CACNA1B: variants seen among roughly 807,000 people sequenced by gnomAD.
CACNA1B encodes voltage-dependent N-type calcium channel subunit alpha-1B.
A neutral mutation model predicts 247.2 loss-of-function variants in CACNA1B; 70 were observed. The observed-to-expected ratio is 0.28, with a 90% CI of 0.23 to 0.35. CACNA1B has a LOEUF of 0.35. Among genes scored for constraint, CACNA1B ranks in the 10% least tolerant of loss-of-function variants. CACNA1B has a pLI of 1.00. For synonymous variants in CACNA1B, 1,231 were observed against 1,294.4 expected (o/e 0.95, Z 1.05); for missense variants, 2,367 against 3,197.4 (o/e 0.74, Z 6.26).
intron 15 of CACNA1B, among the ~76,000 whole-genome samples, chr9:138,001,244 TAAAAA>T (rs750278715): frequency 1.3e-5 from 2 of 152,076 alleles, no homozygotes; most frequent in Admixed American, 1.3e-4. Context: ...TAATTCATGA[TAAAAA>T]AAAGTCATAC....
At chr9:138,069,984 C>G (rs1960064533) in intron 32 of CACNA1B, among the ~76,000 whole-genome samples, 1 of 152,248 alleles carries the variant, frequency 6.6e-6, no homozygotes, top group African/African-American at 2.4e-5. Flanking sequence ...ATTCTGGGAA[C>G]TGGCCGTGGG....
rs201220041 is a variant in CACNA1B at position 138,115,660 on chromosome 9, C to G, written c.5758C>G (p.Leu1920Val). The G allele has an allele frequency of 2.5e-6, 4 of 1,613,424 alleles. No individual in the cohort carries two copies. In the African/African-American group the frequency reaches 5.3e-5, roughly 22 times the overall value. Residue 1920 changes from leucine to valine, a missense_variant, in exon 42 of 47, where the codon CTC becomes GTC. Transcript: ENST00000371372. ...CCTTCGACAGAAGAGTTCCACCTCC[C>G]TCAGCAATGGCGGGGCCATGTGAGT... ...VFLRQKSSTS[L>V]SNGGAIQNQE...
intron 6 of CACNA1B, among the ~76,000 whole-genome samples, chr9:137,949,039 GGT>G (rs1325730371): frequency 2.1e-5 from 3 of 143,024 alleles, no homozygotes; most frequent in Non-Finnish European, 3.0e-5. Context: ...ATACGTGTGT[GGT>G]GTGTGTGTGG....
chr9:137,965,594 T>A (rs1051848361), intron 10 of CACNA1B, among the ~76,000 whole-genome samples: 1 of 151,726 alleles, frequency 6.6e-6, no homozygotes, highest in Non-Finnish European at 1.5e-5. Flanking sequence ...TATTTATTTA[T>A]TTATTTATTT....
chr9:137,921,827 C>A (rs1483389876), intron 6 of CACNA1B, among the ~76,000 whole-genome samples: 1 of 146,142 alleles, frequency 6.8e-6, no homozygotes, highest in Non-Finnish European at 1.5e-5. Flanking sequence ...GCACCACGAC[C>A]GCACAGCATC....
At chr9:138,068,691 G>T (rs1435836677) in intron 31 of CACNA1B, 1 of 511,110 alleles carries the variant, frequency 2.0e-6, no homozygotes, top group Admixed American at 2.0e-5. Flanking sequence ...GGGGAGGGGT[G>T]GTTTCTGCGT....
intron 10 of CACNA1B, among the ~76,000 whole-genome samples, chr9:137,964,212 A>C (rs984475984): frequency 6.6e-6 from 1 of 152,108 alleles, no homozygotes; most frequent in Non-Finnish European, 1.5e-5. Context: ...GGCTCTCTGC[A>C]TTTCCTGAAT....
chr9:137,928,916 C>G (rs1332640048), intron 6 of CACNA1B, among the ~76,000 whole-genome samples: 1 of 152,074 alleles, frequency 6.6e-6, no homozygotes, highest in Non-Finnish European at 1.5e-5. Context: ...CACGATGAAG[C>G]AAGTATTGGT....
At position 137,952,516 on chromosome 9, in the gene CACNA1B, C is replaced by A; in HGVS notation, c.1070+139C>A. 1.5e-6 allele frequency: 1 copy of A among 686,258 alleles called. No individual in the cohort carries two copies. The highest frequency in any genetic ancestry group is 2.6e-6 in the Non-Finnish European group (1 of 386,982). The allele number at this position is 686,258 out of a possible 1,614,324, so 42.5% of individuals were successfully genotyped here. ...GTGGTTGCCCCTGGTGTTCTGGGTTCTGGTAGCCCTTCCTTTGTGCCACCA... is the reference window on the plus strand; with the variant it reads ...GTGGTTGCCCCTGGTGTTCTGGGTTATGGTAGCCCTTCCTTTGTGCCACCA... On this transcript the variant is annotated intron_variant, in intron 7 of 46. Coordinates refer to ENST00000371372, the MANE Select transcript of CACNA1B (RefSeq NM_000718.4). The surrounding 1 kb of genome is among the most constrained non-coding windows in gnomAD (Gnocchi z 4.8).
At chr9:138,097,745 G>C (rs1174609953) in intron 37 of CACNA1B, among the ~76,000 whole-genome samples, 1 of 152,312 alleles carries the variant, frequency 6.6e-6, no homozygotes, top group African/African-American at 2.4e-5. Context: ...CTTACTGGGG[G>C]AGGGCCGGCA....
intron 36 of CACNA1B, among the ~76,000 whole-genome samples, chr9:138,081,652 C>T (rs915004168): frequency 2.0e-5 from 3 of 150,972 alleles, no homozygotes; most frequent in Non-Finnish European, 2.9e-5. Flanking sequence ...CTTATGAATA[C>T]ATTAAGTATT....
rs1227998697 is a variant in CACNA1B, at chr9:138,102,008, C to T, written c.5223-703C>T. On this transcript the variant is annotated intron_variant, in intron 37 of 46. Coordinates refer to ENST00000371372, the MANE Select transcript of CACNA1B (RefSeq NM_000718.4). This position sits in a 1 kb window ranked among gnomAD's most constrained non-coding sequence, Gnocchi z 5.4. Reference sequence around the variant, plus strand: ...CAAGGTGGCCCCAGGCCATGTCCTGCCAGCTCCTCCCCCCTCCCGCAGTCT... The same window carrying T: ...CAAGGTGGCCCCAGGCCATGTCCTGTCAGCTCCTCCCCCCTCCCGCAGTCT... Among the ~76,000 whole-genome samples the T allele has an allele frequency of 6.6e-6, 1 of 152,212 alleles. No homozygotes were observed. The highest frequency in any genetic ancestry group is 1.5e-5 in the Non-Finnish European group (1 of 68,036).
rs1959265703 is a variant in CACNA1B, at chr9:138,051,266, A to C, written c.3711-826A>C. ...TCCTGCGTCCCTGACAGGTAGAGGC[A>C]GCTGCCTGGGTCTGTCCTGGCTTTT... On this transcript the variant is annotated intron_variant, in intron 24 of 46. Coordinates refer to ENST00000371372, the MANE Select transcript of CACNA1B (RefSeq NM_000718.4). The surrounding 1 kb of genome is among the most constrained non-coding windows in gnomAD (Gnocchi z 4.3). Among the ~76,000 whole-genome samples, 1 of 152,032 alleles carries C rather than the reference A, an allele frequency of 6.6e-6. No homozygotes were observed. The highest frequency in any genetic ancestry group is 1.5e-5 in the Non-Finnish European group (1 of 68,008).
rs41302681 is a variant in CACNA1B at position 138,049,190 on chromosome 9, G to A, written c.3604-19G>A. On this transcript the variant is annotated intron_variant, in intron 23 of 46. Transcript: ENST00000371372. ...TTTTCTGGACTATGACGTATCTAACGTGTGTTTCTCCCTCCTAGATGATCG... is the reference window on the plus strand; with the variant it reads ...TTTTCTGGACTATGACGTATCTAACATGTGTTTCTCCCTCCTAGATGATCG... The A allele has an allele frequency of 8.7e-6, 13 of 1,488,046 alleles. No individual in the cohort carries two copies. Among genetic ancestry groups the A allele is most frequent in the African/African-American group, 4.1e-5 (3 of 72,368 alleles). 92.2% of individuals were successfully genotyped at this position (1,488,046 alleles called of 1,614,324 possible). A position where few individuals can be genotyped will look rare whatever the true frequency, so the allele number is the denominator to read the frequency against.
intron 3 of CACNA1B, among the ~76,000 whole-genome samples, chr9:137,898,075 G>T (rs1957192408): frequency 6.6e-6 from 1 of 152,018 alleles, no homozygotes. Context: ...ATTCCCCAAA[G>T]ATATTTTGCT....
chr9:138,017,124 T>A, intron 18 of CACNA1B: 1 of 518,996 alleles, frequency 1.9e-6, no homozygotes, highest in Non-Finnish European at 3.8e-6. Flanking sequence ...TCTGTTCTGT[T>A]TTTTGCATGT....
chr9:138,075,376 A>G (rs1168934393), intron 34 of CACNA1B, among the ~76,000 whole-genome samples: 3 of 152,196 alleles, frequency 2.0e-5, no homozygotes, highest in Non-Finnish European at 4.4e-5. Flanking sequence ...TGCATTTCTT[A>G]CTGTGGAAAA....
chr9:138,093,560 G>A (rs921569509), intron 36 of CACNA1B, among the ~76,000 whole-genome samples: 12 of 151,916 alleles, frequency 7.9e-5, no homozygotes, highest in Non-Finnish European at 1.6e-4. Context: ...GGCCAACATG[G>A]TGAAATTCTG....
At chr9:138,015,020 C>T (rs933824735) in intron 18 of CACNA1B, among the ~76,000 whole-genome samples, 1 of 152,214 alleles carries the variant, frequency 6.6e-6, no homozygotes, top group Admixed American at 6.5e-5. Flanking sequence ...GGCCTGAGCA[C>T]CATGCTGATT....
Sources: gnomAD v4.1 joint callset for allele counts (sites outside exome capture counted in the v4.1 genomes callset) on GRCh38, gnomAD v4.1.1 for gene constraint, Gnocchi (gnomAD v3.1) non-coding constraint, MANE v1.5 for transcripts, NCBI Gene and HGNC (gene_info 2026-07-23, HGNC 2026-07-21) for gene names.